The following CLEC3A variants were observed in gnomAD, a reference collection of about 807,000 sequenced individuals.
CLEC3A encodes C-type (calcium dependent, carbohydrate-recognition domain) lectin, superfamily member 1 (cartilage-derived).
Under a neutral mutation model 20.4 loss-of-function variants are expected in CLEC3A, and 28 were observed. The observed-to-expected ratio is 1.37, with a 90% confidence interval of 1.02 to 1.88. The LOEUF (loss-of-function observed/expected upper bound fraction) is 1.88. CLEC3A is among the 40% of genes most tolerant of loss of function. The pLI, the probability that CLEC3A is intolerant of heterozygous loss-of-function variation, is 0.00. For synonymous variants in CLEC3A, 110 were observed against 88.1 expected (o/e 1.25, Z -1.39); for missense variants, 357 against 240.4 (o/e 1.48, Z -3.21).
chr16:78,028,646 T>C (rs900162869), intron 2 of CLEC3A, among the ~76,000 whole-genome samples: 3 of 152,236 alleles, frequency 2.0e-5, no homozygotes, highest in Admixed American at 6.5e-5. Flanking sequence ...TGCAGCCACA[T>C]GCGCTACTGC....
chr16:78,023,347 A>T (rs1325349967), intron 1 of CLEC3A, among the ~76,000 whole-genome samples: 1 of 152,176 alleles, frequency 6.6e-6, no homozygotes, highest in African/African-American at 2.4e-5. Flanking sequence ...CAATATGCAA[A>T]GTCATCTAGT....
At chr16:78,023,682 T>G (rs2018777368) in intron 1 of CLEC3A, among the ~76,000 whole-genome samples, 1 of 152,142 alleles carries the variant, frequency 6.6e-6, no homozygotes, top group Non-Finnish European at 1.5e-5. Context: ...AAAAGGGGTC[T>G]TGTGCTTTAA....
chr16:78,028,213 G>C (rs754753107), intron 2 of CLEC3A, 23 bp downstream of exon 2: 9 of 1,530,776 alleles, frequency 5.9e-6, no homozygotes, highest in Non-Finnish European at 7.9e-6. Context: ...CCTTCTCAGT[G>C]CCTTGTCCCA....
rs1343127156 is a variant in CLEC3A, at chr16:78,031,001, T to A, written c.*160T>A. The A allele has an allele frequency of 1.3e-6, 1 of 782,936 alleles. No individual in the cohort carries two copies. Among genetic ancestry groups the A allele is most frequent in the Non-Finnish European group, 2.0e-6 (1 of 512,412 alleles). 48.5% of individuals were successfully genotyped at this position (782,936 alleles called of 1,614,324 possible). ...AGCATCAGCCAATTTTGCTAACACATTTCTTTGGGATTTTGCCCTTCCTGG... is the reference window on the plus strand; with the variant it reads ...AGCATCAGCCAATTTTGCTAACACAATTCTTTGGGATTTTGCCCTTCCTGG... On this transcript the variant is annotated 3_prime_UTR_variant, in exon 3 of 3. Transcript: ENST00000299642.
chr16:78,028,882 T>G (rs2030004125), intron 2 of CLEC3A, among the ~76,000 whole-genome samples: 1 of 152,236 alleles, frequency 6.6e-6, no homozygotes, highest in African/African-American at 2.4e-5. Flanking sequence ...CCAGACCAGA[T>G]GCATGTTACC....
chr16:78,030,811 A>G lies in CLEC3A; in HGVS notation c.564A>G (p.Arg188=), dbSNP rs112545170. The G allele has an allele frequency of 6.9e-5, 111 of 1,613,762 alleles. 3 individuals are homozygous for G. Among genetic ancestry groups the G allele is most frequent in the African/African-American group, 5.7e-4 (43 of 74,992 alleles). ...ATGAGGCCTGTCGCAGCAGCAAGAG[A>G]TACATATGCGAGTTCACCATCCCTC... ...WSDEACRSSK[R]YICEFTIPQ Residue 188 remains arginine (R), a synonymous_variant, in exon 3 of 3, where the codon AGA becomes AGG. Transcript: ENST00000299642.
intron 2 of CLEC3A, 41 bp downstream of exon 2, chr16:78,028,231 C>T (rs1242026789): frequency 4.9e-6 from 7 of 1,435,944 alleles, no homozygotes; most frequent in Non-Finnish European, 6.6e-6. Flanking sequence ...CCAAAGGAGA[C>T]AGGAAAATTT....
chr16:78,026,161 T>C (rs949856203), intron 1 of CLEC3A, among the ~76,000 whole-genome samples: 1 of 152,210 alleles, frequency 6.6e-6, no homozygotes, highest in African/African-American at 2.4e-5. Flanking sequence ...CTTTGAGAAC[T>C]GATGTGTAGC....
Position 78,028,108 on chromosome 16 carries a change from C to G in CLEC3A, c.117C>G (p.Asp39Glu). 1.2e-6 allele frequency: 2 copies of G among 1,606,120 alleles called. No homozygotes were observed. The highest frequency in any genetic ancestry group is 1.7e-6 in the Non-Finnish European group (2 of 1,177,826). ...ARKHSKRRVR[D>E]KDGDLKTQIE... ...ATCCCACCCTAAAATTTTCCCCAGA[C>G]AAGGATGGAGATCTGAAGACTCAAA... Residue 39 changes from aspartate to glutamate, a missense_variant and splice_region_variant, in exon 2 of 3, where the codon GAC becomes GAG. Transcript: ENST00000299642.
chr16:78,022,869 T>G, intron 1 of CLEC3A, 128 bp downstream of exon 1: 1 of 905,966 alleles, frequency 1.1e-6, no homozygotes, highest in Non-Finnish European at 1.6e-6. Context: ...CATCCCTATA[T>G]GGCATTTCAG....
At chr16:78,023,858 C>T (rs913591039) in intron 1 of CLEC3A, among the ~76,000 whole-genome samples, 18 of 151,380 alleles carry the variant, frequency 1.2e-4, no homozygotes, top group Non-Finnish European at 1.9e-4. Flanking sequence ...CCTGGGTTCA[C>T]GCCATTCTCC....
In CLEC3A at chr16:78,030,762, A is replaced by T; in HGVS notation, c.515A>T (p.Gln172Leu). 7 of 1,614,146 alleles carry T rather than the reference A, an allele frequency of 4.3e-6. No individual in the cohort carries two copies. The highest frequency in any genetic ancestry group is 5.9e-6 in the Non-Finnish European group (7 of 1,180,018). The change falls in exon 3 of 3, where the codon CAA becomes CTA. Residue 172 changes from glutamine to leucine, a missense_variant. Physicochemically the swap from Gln to Leu is moderately radical, Grantham distance 113. Coordinates refer to ENST00000299642, the MANE Select transcript of CLEC3A (RefSeq NM_005752.6). ...CGAGAAAACTGTGTCCTGTTCTCCC[A>T]ATCAGCTCAGGGCAAGTGGAGTGAT... is the stretch of plus-strand genomic sequence containing the variant. ...GKRENCVLFSQSAQGKWSDEA... is the reference protein window; with the variant it reads ...GKRENCVLFSLSAQGKWSDEA...
intron 2 of CLEC3A, among the ~76,000 whole-genome samples, chr16:78,029,364 G>C (rs1321496393): frequency 1.3e-5 from 2 of 152,030 alleles, no homozygotes; most frequent in African/African-American, 4.8e-5. Flanking sequence ...GAATTTAATT[G>C]ATTGATTGAT....
intron 2 of CLEC3A, among the ~76,000 whole-genome samples, chr16:78,029,837 A>T (rs1019115163): frequency 2.0e-5 from 3 of 152,232 alleles, no homozygotes; most frequent in African/African-American, 7.2e-5. Context: ...CTGTGATCTC[A>T]CATGCTGCAA....
At position 78,024,057 on chromosome 16, in the gene CLEC3A, A is replaced by G. The variant is rs375690603; in HGVS notation, c.115+1316A>G. Reference sequence around the variant, plus strand: ...CAGGCGTGAGCCACCGCGCCCGGCTAGTGCAAGGTTTCTTAAGTGGAATCT... The same window carrying G: ...CAGGCGTGAGCCACCGCGCCCGGCTGGTGCAAGGTTTCTTAAGTGGAATCT... On this transcript the variant is annotated intron_variant, in intron 1 of 2. Coordinates refer to ENST00000299642, the MANE Select transcript of CLEC3A (RefSeq NM_005752.6). 3.3e-5 allele frequency among the ~76,000 whole-genome samples: 5 copies of G among 152,264 alleles called. No homozygotes were observed. In the East Asian group the frequency reaches 7.7e-4, roughly 24 times the overall value.
rs1201954165 is a variant in CLEC3A, at chr16:78,031,692, T to C, written c.*851T>C. ...GATTGAGAGTGGACTTACATTTCCT[T>C]TTTTACATTTTCGTATACTTATTTT... On this transcript the variant is annotated 3_prime_UTR_variant, in exon 3 of 3. Coordinates refer to ENST00000299642, the MANE Select transcript of CLEC3A (RefSeq NM_005752.6). 3.3e-5 allele frequency: 5 copies of C among 152,328 alleles called. No individual in the cohort carries two copies. The highest frequency in any genetic ancestry group is 2.1e-4 in the South Asian group (1 of 4,830). 9.4% of individuals were successfully genotyped at this position (152,328 alleles called of 1,614,324 possible).
rs1162915335 is a variant in CLEC3A at position 78,030,930 on chromosome 16, T to A, written c.*89T>A. The A allele has an allele frequency of 7.1e-7, 1 of 1,416,224 alleles. No individual in the cohort carries two copies. The highest frequency in any genetic ancestry group is 1.4e-5 in the African/African-American group (1 of 69,396). The allele number at this position is 1,416,224 out of a possible 1,614,324, so 87.7% of individuals were successfully genotyped here. A position where few individuals can be genotyped will look rare whatever the true frequency, so the allele number is the denominator to read the frequency against. On this transcript the variant is annotated 3_prime_UTR_variant, in exon 3 of 3. Coordinates refer to ENST00000299642, the MANE Select transcript of CLEC3A (RefSeq NM_005752.6). Reference sequence around the variant, plus strand: ...ATCAAGTAAAAATCATAATTTTTACTTATTAAAAAATTGCAACACAAGATC... The same window carrying A: ...ATCAAGTAAAAATCATAATTTTTACATATTAAAAAATTGCAACACAAGATC...
chr16:78,026,835 C>G (rs2029938762), intron 1 of CLEC3A, among the ~76,000 whole-genome samples: 1 of 152,192 alleles, frequency 6.6e-6, no homozygotes. Context: ...TAGCCTCATC[C>G]AGGAACATAC....
Position 78,031,100 on chromosome 16 carries a change from T to C in CLEC3A, c.*259T>C. On this transcript the variant is annotated 3_prime_UTR_variant, in exon 3 of 3. Coordinates refer to ENST00000299642, the MANE Select transcript of CLEC3A (RefSeq NM_005752.6). ...CTTCTGCTAAACAGACTAAAATCTTTCTCTCTAGTCTTTCTCACTTGTACA... is the reference window on the plus strand; with the variant it reads ...CTTCTGCTAAACAGACTAAAATCTTCCTCTCTAGTCTTTCTCACTTGTACA... The C allele has an allele frequency of 2.9e-6, 1 of 350,686 alleles. No homozygotes were observed. The highest frequency in any genetic ancestry group is 6.9e-5 in the South Asian group (1 of 14,416). 21.7% of individuals were successfully genotyped at this position (350,686 alleles called of 1,614,324 possible).
Sources: gnomAD v4.1 joint callset for allele counts (sites outside exome capture counted in the v4.1 genomes callset) on GRCh38, gnomAD v4.1.1 for gene constraint, MANE v1.5 for transcripts, NCBI Gene and HGNC (gene_info 2026-07-23, HGNC 2026-07-21) for gene names.